Variants in PAPPA2 observed in about 807,000 individuals in gnomAD.
The protein encoded by PAPPA2 is pappalysin 2, also known as pappalysin-2.
In PAPPA2, 86 loss-of-function variants were observed where a neutral mutation model predicts 176.4. The ratio of observed to expected loss-of-function variants is 0.49; its 90% confidence interval spans 0.41 to 0.58. The LOEUF (loss-of-function observed/expected upper bound fraction) is 0.58, where lower values mean the gene tolerates loss of function less well. Among genes scored for constraint, PAPPA2 ranks in the 20% least tolerant of loss-of-function variants. PAPPA2 has a pLI of 0.00. For missense variants in PAPPA2, 2,073 were observed against 2,256.9 expected (o/e 0.92, Z 1.65); for synonymous variants, 809 against 852.2 (o/e 0.95, Z 0.88).
chr1:176,706,046 A>C (rs1165946437), intron 9 of PAPPA2, among the ~76,000 whole-genome samples: 1 of 152,176 alleles, frequency 6.6e-6, no homozygotes, highest in Non-Finnish European at 1.5e-5. Context: ...TCTAAGCTTA[A>C]GACCCTCTCC....
chr1:176,626,875 T>C (rs1039441654), intron 3 of PAPPA2, among the ~76,000 whole-genome samples: 37 of 150,856 alleles, frequency 2.5e-4, no homozygotes, highest in Non-Finnish European at 5.0e-4. Flanking sequence ...CAGCTGAAGA[T>C]ATACCTGTTT....
chr1:176,595,928 A>G (rs920940559), intron 3 of PAPPA2, among the ~76,000 whole-genome samples: 1 of 152,200 alleles, frequency 6.6e-6, no homozygotes, highest in African/African-American at 2.4e-5. Flanking sequence ...AGGCCAGGAA[A>G]TCTTCATGGA....
intron 12 of PAPPA2, among the ~76,000 whole-genome samples, chr1:176,729,434 C>T (rs1329177518): frequency 6.6e-6 from 1 of 152,050 alleles, no homozygotes; most frequent in African/African-American, 2.4e-5. Context: ...CCCTCTCCCA[C>T]TTCCTTATAC....
chr1:176,821,164 C>T (rs1037790077), intron 21 of PAPPA2, among the ~76,000 whole-genome samples: 18 of 152,080 alleles, frequency 1.2e-4, no homozygotes, highest in East Asian at 3.9e-4. Flanking sequence ...TGAGTACCTA[C>T]GATGTGTTGA....
chr1:176,484,287 A>G (rs1247832662), intron 1 of PAPPA2, among the ~76,000 whole-genome samples: 1 of 152,074 alleles, frequency 6.6e-6, no homozygotes, highest in African/African-American at 2.4e-5. Flanking sequence ...TGCCTTTGAT[A>G]TTCTGCAGTT....
In PAPPA2 at chr1:176,789,921, A is replaced by G. The variant is rs772636764; in HGVS notation, c.4828A>G (p.Asn1610Asp). Residue 1610 changes from asparagine (N) to aspartate (D), a missense_variant, in exon 18 of 23, where the codon AAT (asparagine) becomes GAT (aspartate). Asn to Asp is a conservative substitution (Grantham distance 23, BLOSUM62 1). Around this residue, in one of 4 missense-constraint regions of PAPPA2, gnomAD observed 846 missense variants for 857.9 expected, o/e 0.99. Coordinates refer to ENST00000367662, the MANE Select transcript of PAPPA2 (RefSeq NM_020318.3). ...GTTTGAAGGCATGTATGAATGTACC[A>G]ATGGCTTCAGCCTGGACAGCCAGTG... ...PVFEGMYECT[N>D]GFSLDSQCVL... The G allele has an allele frequency of 6.2e-7, 1 of 1,614,074 alleles. No individual in the cohort carries two copies. Among genetic ancestry groups the G allele is most frequent in the African/African-American group, 1.3e-5 (1 of 74,942 alleles).
chr1:176,631,532 A>G (rs1056196683), intron 3 of PAPPA2, among the ~76,000 whole-genome samples: 5 of 152,200 alleles, frequency 3.3e-5, no homozygotes, highest in Non-Finnish European at 7.3e-5. Flanking sequence ...GGTGAATTGT[A>G]TGTTATATAA....
chr1:176,808,436 G>A (rs1409789499), intron 21 of PAPPA2, among the ~76,000 whole-genome samples: 2 of 152,166 alleles, frequency 1.3e-5, no homozygotes, highest in South Asian at 4.1e-4. Context: ...TCAAATAAAT[G>A]AAGAAATCAC....
At chr1:176,709,699 C>A (rs977637571) in intron 10 of PAPPA2, among the ~76,000 whole-genome samples, 3 of 152,136 alleles carry the variant, frequency 2.0e-5, no homozygotes, top group African/African-American at 7.2e-5. Flanking sequence ...CAGTCTACAG[C>A]TGCTTTTTTT....
chr1:176,593,507 C>T (rs1297565255), intron 2 of PAPPA2, among the ~76,000 whole-genome samples: 5 of 152,208 alleles, frequency 3.3e-5, no homozygotes, highest in African/African-American at 1.2e-4. Context: ...AGACTATGTA[C>T]TAGAAGAGGT....
At chr1:176,821,385 A>G (rs1666660705) in intron 21 of PAPPA2, among the ~76,000 whole-genome samples, 1 of 152,220 alleles carries the variant, frequency 6.6e-6, no homozygotes, top group Admixed American at 6.5e-5. Flanking sequence ...AAGCATAAAT[A>G]GGCATGAAAG....
intron 3 of PAPPA2, among the ~76,000 whole-genome samples, chr1:176,658,710 A>C (rs542651265): frequency 6.5e-4 from 99 of 152,140 alleles, no homozygotes; most frequent in African/African-American, 2.4e-3. Flanking sequence ...TTAATGAGTA[A>C]ATCCACTAAT....
intron 12 of PAPPA2, among the ~76,000 whole-genome samples, chr1:176,734,029 C>T (rs185829502): frequency 2.0e-5 from 3 of 152,202 alleles, no homozygotes; most frequent in East Asian, 1.9e-4. Flanking sequence ...TTTTTTCCCC[C>T]CTCTGAGGGC....
At chr1:176,505,103 C>T (rs1372186701) in intron 1 of PAPPA2, among the ~76,000 whole-genome samples, 2 of 151,998 alleles carry the variant, frequency 1.3e-5, no homozygotes, top group Admixed American at 1.3e-4. Context: ...TTTCTAGTGG[C>T]CTTGTCTTTC....
chr1:176,772,116 GA>G (rs1007289483), intron 17 of PAPPA2, among the ~76,000 whole-genome samples: 8 of 152,154 alleles, frequency 5.3e-5, no homozygotes, highest in African/African-American at 1.9e-4. Flanking sequence ...AATGGTTTCA[GA>G]AAAAGAAACT....
At chr1:176,831,204 C>G (rs1210749758) in intron 21 of PAPPA2, among the ~76,000 whole-genome samples, 2 of 152,098 alleles carry the variant, frequency 1.3e-5, no homozygotes, top group Non-Finnish European at 2.9e-5. Context: ...CCTTCACAGC[C>G]TTCAAAGTGT....
At chr1:176,555,003 G>GTGTT (rs1651188388) in intron 1 of PAPPA2, among the ~76,000 whole-genome samples, 1 of 30,706 alleles carries the variant, frequency 3.3e-5, no homozygotes, top group Non-Finnish European at 9.1e-5. Context: ...GTGTGTGTGA[G>GTGTT]AGAGAGAGAG....
At chr1:176,680,407 G>T (rs1302160390) in intron 4 of PAPPA2, among the ~76,000 whole-genome samples, 1 of 142,992 alleles carries the variant, frequency 7.0e-6, no homozygotes, top group South Asian at 2.4e-4. Flanking sequence ...CAGTCTAGTT[G>T]GTTACCTATT....
At chr1:176,791,268 CA>C in intron 18 of PAPPA2, 78 bp from the exon 19 acceptor site, 1 of 1,201,080 alleles carries the variant, frequency 8.3e-7, no homozygotes, top group Non-Finnish European at 1.1e-6. Context: ...AGAATACTAC[CA>C]CTTAATCAGA....
Sources: gnomAD v4.1 joint callset for allele counts (sites outside exome capture counted in the v4.1 genomes callset) on GRCh38, gnomAD v4.1.1 for gene constraint, gnomAD v4.1.1 regional missense constraint, MANE v1.5 for transcripts, NCBI Gene and HGNC (gene_info 2026-07-23, HGNC 2026-07-21) for gene names.